The following COL21A1 variants were observed in gnomAD, a reference collection of about 807,000 sequenced individuals.
The protein encoded by COL21A1 is collagen alpha-1(XXI) chain.
In COL21A1, 149 loss-of-function variants were observed where a neutral mutation model predicts 137.9. That is an observed-to-expected ratio of 1.08 (90% CI 0.95 to 1.24). The LOEUF is 1.24. COL21A1 is among the 50% of genes most tolerant of loss of function. The probability of loss-of-function intolerance (pLI) is 0.00; values close to 1 mark genes in which losing one functional copy is unlikely to be tolerated. For missense variants in COL21A1, 1,167 were observed against 1,158.4 expected (o/e 1.01, Z -0.11); for synonymous variants, 456 against 391.5 (o/e 1.16, Z -1.95).
rs1341719998 is a variant in COL21A1 at position 56,121,510 on chromosome 6, G to GTATATATATATATACATATACATATATA, written c.1758+2551_1758+2552insTATATATGTATATGTATATATATATATA. ...TATACATATATATGTATATTCATAT[G>GTATATATATATATACATATACATATATA]TGTATATATATATACATATACATAT... On this transcript the variant is annotated intron_variant, in intron 16 of 29. Transcript: ENST00000244728. Among the ~76,000 whole-genome samples, 14 of 115,316 alleles carry GTATATATATATATACATATACATATATA rather than the reference G, an allele frequency of 1.2e-4. 1 individual carries two copies. Among genetic ancestry groups the GTATATATATATATACATATACATATATA allele is most frequent in the Admixed American group, 2.9e-4 (3 of 10,340 alleles). The allele number at this position is 115,316 out of a possible 152,430, so 75.7% of individuals were successfully genotyped here.
At chr6:56,182,772 G>C in intron 1 of COL21A1, 116 bp from the exon 2 acceptor site, 1 of 584,358 alleles carries the variant, frequency 1.7e-6, no homozygotes, top group South Asian at 2.3e-5. Context: ...GTGACTATTA[G>C]AATTAACTTA....
Position 56,070,809 on chromosome 6 carries a change from A to G in COL21A1, c.1966-11T>C, listed in dbSNP as rs777919215. On this transcript the variant is annotated splice_polypyrimidine_tract_variant and intron_variant, in intron 20 of 29. Transcript: ENST00000244728. ...TTCACCTTTGCTTCCCTGTCAACAC[A>G]TCAAAAACATTGGAGTTTTTTAAAA... 1 of 1,588,796 alleles carries G rather than the reference A, an allele frequency of 6.3e-7. No homozygotes were observed. The highest frequency in any genetic ancestry group is 8.5e-7 in the Non-Finnish European group (1 of 1,170,038).
chr6:56,178,358 T>C (rs16887635), intron 3 of COL21A1, among the ~76,000 whole-genome samples: 1,946 of 152,284 alleles, frequency 0.013, 31 homozygotes, highest in East Asian at 0.057. Flanking sequence ...TGGTGATTTG[T>C]ACTTATTACA....
intron 1 of COL21A1, among the ~76,000 whole-genome samples, chr6:56,357,854 A>C (rs1233516718): frequency 1.3e-5 from 2 of 152,206 alleles, no homozygotes; most frequent in Non-Finnish European, 2.9e-5. Flanking sequence ...TCTTCTAAAA[A>C]ATGCTGTGCT....
chr6:56,106,940 C>T (rs972740319), intron 16 of COL21A1, among the ~76,000 whole-genome samples: 2 of 152,064 alleles, frequency 1.3e-5, no homozygotes, highest in Admixed American at 6.6e-5. Context: ...GCGCCCGCCA[C>T]CACGCCCGGC....
intron 1 of COL21A1, among the ~76,000 whole-genome samples, chr6:56,256,069 A>G (rs1232852576): frequency 6.6e-6 from 1 of 152,246 alleles, no homozygotes; most frequent in Non-Finnish European, 1.5e-5. Context: ...AGAAAAGTTA[A>G]GAAGATTTTG....
intron 27 of COL21A1, 45 bp from the exon 28 acceptor site, chr6:56,060,263 G>T: frequency 7.0e-7 from 1 of 1,428,632 alleles, no homozygotes; most frequent in African/African-American, 1.5e-5. Context: ...TAAATGGTGA[G>T]TTGGTGTTAA....
intron 1 of COL21A1, among the ~76,000 whole-genome samples, chr6:56,233,246 G>A (rs925434607): frequency 1.3e-5 from 2 of 151,774 alleles, no homozygotes; most frequent in Non-Finnish European, 1.5e-5. Flanking sequence ...TTGGGGGCAA[G>A]CTCCAGATAG....
chr6:56,168,054 GA>G (rs1372533226), intron 6 of COL21A1, 69 bp downstream of exon 6: 5 of 1,078,220 alleles, frequency 4.6e-6, no homozygotes, highest in South Asian at 2.5e-5. Flanking sequence ...TAAATGTGGT[GA>G]AAACTATTAC....
At chr6:56,340,613 C>CT (rs1451573082) in intron 1 of COL21A1, among the ~76,000 whole-genome samples, 1 of 88,162 alleles carries the variant, frequency 1.1e-5, no homozygotes, top group Non-Finnish European at 2.4e-5. Flanking sequence ...CCCACTAGAC[C>CT]TTTAAATTCA....
intron 1 of COL21A1, among the ~76,000 whole-genome samples, chr6:56,357,987 C>A (rs939804168): frequency 1.3e-5 from 2 of 152,128 alleles, no homozygotes; most frequent in Admixed American, 6.6e-5. Flanking sequence ...TCGTACTTAC[C>A]TTTTTATACA....
At chr6:56,221,535 C>T (rs756000296) in intron 1 of COL21A1, among the ~76,000 whole-genome samples, 18 of 151,916 alleles carry the variant, frequency 1.2e-4, no homozygotes, top group South Asian at 4.1e-4. Context: ...ACAGTCTGGA[C>T]GACATGGCAA....
At chr6:56,334,952 G>A (rs974944272) in intron 1 of COL21A1, among the ~76,000 whole-genome samples, 20 of 152,252 alleles carry the variant, frequency 1.3e-4, no homozygotes, top group African/African-American at 4.6e-4. Flanking sequence ...CCATGTTCTT[G>A]AACTTCCAGG....
chr6:56,065,310 A>G (rs1766145174), intron 23 of COL21A1, among the ~76,000 whole-genome samples: 2 of 152,154 alleles, frequency 1.3e-5, no homozygotes, highest in South Asian at 2.1e-4. Flanking sequence ...ACAATTTTAC[A>G]TCACCCTTGC....
chr6:56,166,041 T>C (rs544594166), intron 7 of COL21A1, among the ~76,000 whole-genome samples: 42 of 152,124 alleles, frequency 2.8e-4, no homozygotes, highest in African/African-American at 8.9e-4. Context: ...GCTTATATTC[T>C]AGAACTATAA....
At chr6:56,262,402 A>C (rs1211907691) in intron 1 of COL21A1, among the ~76,000 whole-genome samples, 1 of 152,150 alleles carries the variant, frequency 6.6e-6, no homozygotes, top group Non-Finnish European at 1.5e-5. Context: ...AACCCTCACA[A>C]TAAGCCAATG....
chr6:56,365,570 T>C (rs1438644801), intron 1 of COL21A1, among the ~76,000 whole-genome samples: 5 of 152,204 alleles, frequency 3.3e-5, no homozygotes, highest in Admixed American at 6.5e-5. Context: ...CCTTTAGCTA[T>C]AGGTAGGACA....
intron 1 of COL21A1, among the ~76,000 whole-genome samples, chr6:56,271,447 A>G (rs886128662): frequency 1.3e-5 from 2 of 152,214 alleles, no homozygotes; most frequent in African/African-American, 2.4e-5. Flanking sequence ...ATGCATTCAC[A>G]AAGAGATGAC....
At chr6:56,336,539 G>C (rs1765333093) in intron 1 of COL21A1, among the ~76,000 whole-genome samples, 1 of 152,170 alleles carries the variant, frequency 6.6e-6, no homozygotes, top group Non-Finnish European at 1.5e-5. Flanking sequence ...CAGCCTTAGA[G>C]ATTTGTGAGT....
Sources: allele counts gnomAD v4.1 joint callset (sites outside exome capture counted in the v4.1 genomes callset), GRCh38; gene constraint gnomAD v4.1.1; transcripts MANE v1.5; gene names NCBI Gene and HGNC (gene_info 2026-07-23, HGNC 2026-07-21).